CDKAL1: variants seen among roughly 807,000 people sequenced by gnomAD.
The protein encoded by CDKAL1 is CDKAL1 threonylcarbamoyladenosine tRNA methylthiotransferase.
A neutral mutation model predicts 68.2 loss-of-function variants in CDKAL1; 32 were observed. The ratio of observed to expected loss-of-function variants is 0.47; its 90% CI spans 0.35 to 0.63. The LOEUF is 0.63. Among genes scored for constraint, CDKAL1 ranks in the 30% least tolerant of loss-of-function variants. CDKAL1 has a pLI of 0.00. For missense variants in CDKAL1, 606 were observed against 696.7 expected (o/e 0.87, Z 1.47); for synonymous variants, 234 against 244.3 (o/e 0.96, Z 0.39).
intron 13 of CDKAL1, among the ~76,000 whole-genome samples, chr6:21,190,808 A>G (rs1778207030): frequency 1.3e-5 from 2 of 152,336 alleles, no homozygotes; most frequent in South Asian, 4.1e-4. Flanking sequence ...ACAGGTCCAT[A>G]TATCTACGTC....
At position 21,180,633 on chromosome 6, in the gene CDKAL1, T is replaced by G. The variant is rs73734124; in HGVS notation, c.1300-17388T>G. Among the ~76,000 whole-genome samples, 367 of 149,722 alleles carry G rather than the reference T, an allele frequency of 2.5e-3. 1 individual carries two copies. The highest frequency in any genetic ancestry group is 8.7e-3 in the African/African-American group (353 of 40,738). ...ATTTAAAAACTTTTTTCCAGATACA[T>G]TTTTTTTTTACTATGTATGAGTCAC... On this transcript the variant is annotated intron_variant, in intron 13 of 15. Transcript: ENST00000274695.
intron 6 of CDKAL1, among the ~76,000 whole-genome samples, chr6:20,745,747 T>C (rs1773640007): frequency 1.3e-5 from 2 of 152,186 alleles, no homozygotes; most frequent in African/African-American, 4.8e-5. Context: ...AAAAAAAATC[T>C]AATAATGTTT....
intron 10 of CDKAL1, among the ~76,000 whole-genome samples, chr6:20,984,373 C>T (rs543568435): frequency 6.6e-6 from 1 of 152,212 alleles, no homozygotes; most frequent in Non-Finnish European, 1.5e-5. Flanking sequence ...TGGGTGCTAG[C>T]AGGCAAAAAT....
chr6:21,150,952 A>T (rs1776385131), intron 13 of CDKAL1, among the ~76,000 whole-genome samples: 1 of 152,212 alleles, frequency 6.6e-6, no homozygotes, highest in Admixed American at 6.5e-5. Context: ...TGACAGCCCC[A>T]TACTGCAAAG....
intron 8 of CDKAL1, among the ~76,000 whole-genome samples, chr6:20,824,033 G>A (rs1415538926): frequency 6.6e-6 from 1 of 151,996 alleles, no homozygotes; most frequent in Non-Finnish European, 1.5e-5. Flanking sequence ...TGGCCAGGAT[G>A]GACTGTTATT....
At chr6:21,201,413 T>C in intron 15 of CDKAL1, 139 bp downstream of exon 15, 1 of 632,826 alleles carries the variant, frequency 1.6e-6, no homozygotes, top group Non-Finnish European at 2.4e-6. Flanking sequence ...TTCTGACAGA[T>C]TGAAATCTGA....
At chr6:20,841,635 G>A (rs574058062) in intron 8 of CDKAL1, among the ~76,000 whole-genome samples, 18 of 152,286 alleles carry the variant, frequency 1.2e-4, no homozygotes, top group South Asian at 1.0e-3. Flanking sequence ...TGAACTGGGC[G>A]TGATGGCTCA....
intron 5 of CDKAL1, among the ~76,000 whole-genome samples, chr6:20,657,443 T>C (rs1341569549): frequency 6.6e-6 from 1 of 152,234 alleles, no homozygotes; most frequent in African/African-American, 2.4e-5. Flanking sequence ...TTCCTGTGTG[T>C]CATCATCTCT....
intron 9 of CDKAL1, among the ~76,000 whole-genome samples, chr6:20,880,319 A>G (rs1248661896): frequency 1.3e-5 from 2 of 152,094 alleles, no homozygotes; most frequent in African/African-American, 4.8e-5. Flanking sequence ...GCAGTGGCAC[A>G]ATCTTGGCTC....
intron 9 of CDKAL1, among the ~76,000 whole-genome samples, chr6:20,854,991 T>C (rs892718633): frequency 1.3e-5 from 2 of 152,192 alleles, no homozygotes; most frequent in African/African-American, 2.4e-5. Flanking sequence ...TGAACACTTA[T>C]TGTCTTTAAA....
chr6:21,168,870 T>G (rs1217271291), intron 13 of CDKAL1, among the ~76,000 whole-genome samples: 1 of 152,178 alleles, frequency 6.6e-6, no homozygotes, highest in Non-Finnish European at 1.5e-5. Flanking sequence ...TCATATACCC[T>G]TTTCTCCTCT....
intron 15 of CDKAL1, among the ~76,000 whole-genome samples, chr6:21,229,442 C>T (rs1424370975): frequency 3.9e-5 from 6 of 152,198 alleles, no homozygotes; most frequent in Admixed American, 2.0e-4. Context: ...CCACCCCACA[C>T]ATTCCTGTTC....
At chr6:20,777,642 C>A (rs1775229893) in intron 7 of CDKAL1, among the ~76,000 whole-genome samples, 1 of 152,048 alleles carries the variant, frequency 6.6e-6, no homozygotes, top group East Asian at 1.9e-4. Context: ...AAAAAACATA[C>A]AATTACGTAA....
At chr6:20,772,297 C>G (rs1282016900) in intron 7 of CDKAL1, among the ~76,000 whole-genome samples, 2 of 152,158 alleles carry the variant, frequency 1.3e-5, no homozygotes, top group Non-Finnish European at 2.9e-5. Context: ...TCTGTTGTAG[C>G]AAGACAGCTA....
rs868195034 is a variant in CDKAL1 at position 20,739,449 on chromosome 6, A to G, written c.372-70A>G. On this transcript the variant is annotated intron_variant, in intron 5 of 15. Transcript: ENST00000274695. ...GTTATTATTTGGAGAACTAATATGCACTAACAACAGTTTCCAAGAGTATAC... is the reference window on the plus strand; with the variant it reads ...GTTATTATTTGGAGAACTAATATGCGCTAACAACAGTTTCCAAGAGTATAC... 3.3e-6 allele frequency: 3 copies of G among 906,908 alleles called. No individual in the cohort carries two copies. The African/African-American group carries it at 5.0e-5, about 15-fold the overall frequency. 56.2% of individuals were successfully genotyped at this position (906,908 alleles called of 1,614,324 possible).
intron 15 of CDKAL1, among the ~76,000 whole-genome samples, chr6:21,212,578 A>G (rs184503174): frequency 6.6e-6 from 1 of 152,178 alleles, no homozygotes; most frequent in Non-Finnish European, 1.5e-5. Flanking sequence ...TGAGACTCAG[A>G]GTGTGGATGT....
chr6:20,670,608 T>C (rs890046867), intron 5 of CDKAL1, among the ~76,000 whole-genome samples: 13 of 152,212 alleles, frequency 8.5e-5, no homozygotes, highest in African/African-American at 2.9e-4. Context: ...CATTTGTTAA[T>C]TGGAATTTCA....
chr6:20,679,602 C>T (rs529993381), intron 5 of CDKAL1, among the ~76,000 whole-genome samples: 53 of 152,282 alleles, frequency 3.5e-4, no homozygotes, highest in African/African-American at 1.2e-3. Context: ...ATTATGGATT[C>T]TTGTGTGTTA....
In CDKAL1 at chr6:20,539,478, G is replaced by T. The variant is rs931111134; in HGVS notation, c.-6+4084G>T. On this transcript the variant is annotated intron_variant, in intron 2 of 15. Coordinates refer to ENST00000274695, the MANE Select transcript of CDKAL1 (RefSeq NM_017774.3). The surrounding 1 kb of genome is among the most constrained non-coding windows in gnomAD (Gnocchi z 4.3). ...AAAAAAAGGCAGGAAAGGGGCATAG[G>T]AAGAGGGTGTGTGGTGAGGTGGGGG... is the stretch of plus-strand genomic sequence containing the variant. 5.9e-5 allele frequency among the ~76,000 whole-genome samples: 9 copies of T among 152,296 alleles called. No homozygotes were observed. Among genetic ancestry groups the T allele is most frequent in the African/African-American group, 2.2e-4 (9 of 41,568 alleles).
Sources: gnomAD v4.1 joint callset for allele counts (sites outside exome capture counted in the v4.1 genomes callset) on GRCh38, gnomAD v4.1.1 for gene constraint, Gnocchi (gnomAD v3.1) non-coding constraint, MANE v1.5 for transcripts, NCBI Gene and HGNC (gene_info 2026-07-23, HGNC 2026-07-21) for gene names.